The following BACH2 variants were observed in gnomAD, a reference collection of about 807,000 sequenced individuals.
BACH2 encodes the protein BACH transcriptional regulator 2.
In BACH2, 5 loss-of-function variants were observed where a neutral mutation model predicts 61.8. The observed-to-expected ratio is 0.08, with a 90% CI of 0.04 to 0.17. The LOEUF is 0.17. Among genes scored for constraint, BACH2 ranks in the 10% least tolerant of loss-of-function variants. BACH2 has a pLI of 1.00. For synonymous variants in BACH2, 446 were observed against 440.1 expected (o/e 1.01, Z -0.17); for missense variants, 824 against 1,091.1 (o/e 0.76, Z 3.45).
chr6:90,295,090 C>A (rs1210659977), intron 1 of BACH2, among the ~76,000 whole-genome samples: 1 of 152,164 alleles, frequency 6.6e-6, no homozygotes, highest in Non-Finnish European at 1.5e-5. Flanking sequence ...CGCGTCTCGC[C>A]GCCCGCGGGC....
At chr6:90,177,521 T>C (rs1428013295) in intron 4 of BACH2, among the ~76,000 whole-genome samples, 6 of 152,204 alleles carry the variant, frequency 3.9e-5, no homozygotes, top group Non-Finnish European at 8.8e-5. Context: ...TAGTAAGTGG[T>C]AGAATTCTGA....
chr6:89,940,640 C>T (rs1373577435), intron 7 of BACH2, among the ~76,000 whole-genome samples: 2 of 152,178 alleles, frequency 1.3e-5, no homozygotes, highest in Non-Finnish European at 2.9e-5. Flanking sequence ...GCAGATGGCA[C>T]TACAAACCTA....
chr6:90,125,939 T>G (rs1444202421), intron 4 of BACH2, among the ~76,000 whole-genome samples: 1 of 152,232 alleles, frequency 6.6e-6, no homozygotes, highest in African/African-American at 2.4e-5. Flanking sequence ...TCAGTCATCC[T>G]CATTTGCTGA....
At chr6:90,177,182 C>T (rs189267839) in intron 4 of BACH2, among the ~76,000 whole-genome samples, 11 of 152,142 alleles carry the variant, frequency 7.2e-5, no homozygotes, top group Admixed American at 1.3e-4. Context: ...GCAGTCTGCT[C>T]GCTTTATGGA....
intron 3 of BACH2, among the ~76,000 whole-genome samples, chr6:90,223,893 C>G (rs1288461814): frequency 6.6e-6 from 1 of 152,226 alleles, no homozygotes; most frequent in Non-Finnish European, 1.5e-5. Flanking sequence ...ATCTGAATCT[C>G]TGCTCTCAAA....
At chr6:90,157,485 T>C (rs901238993) in intron 4 of BACH2, among the ~76,000 whole-genome samples, 12 of 152,138 alleles carry the variant, frequency 7.9e-5, no homozygotes, top group African/African-American at 2.9e-4. Flanking sequence ...CACGACAGAG[T>C]TGCCTGGAAG....
chr6:89,985,337 T>C (rs1776180851), intron 6 of BACH2, among the ~76,000 whole-genome samples: 1 of 152,116 alleles, frequency 6.6e-6, no homozygotes, highest in Non-Finnish European at 1.5e-5. Flanking sequence ...GGTGGGAGTC[T>C]GGGTTTTGTG....
intron 5 of BACH2, among the ~76,000 whole-genome samples, chr6:90,067,931 T>C (rs1358034569): frequency 2.0e-5 from 3 of 152,130 alleles, no homozygotes; most frequent in Non-Finnish European, 4.4e-5. Flanking sequence ...ACTCATTCAT[T>C]CACTCAACAA....
chr6:90,272,188 G>C (rs958342770), intron 1 of BACH2, among the ~76,000 whole-genome samples: 2 of 151,942 alleles, frequency 1.3e-5, no homozygotes, highest in East Asian at 3.9e-4. Context: ...GCCTTCTTCC[G>C]TGTCAAATCT....
At chr6:90,129,400 C>T (rs1381957613) in intron 4 of BACH2, among the ~76,000 whole-genome samples, 1 of 152,134 alleles carries the variant, frequency 6.6e-6, no homozygotes, top group Non-Finnish European at 1.5e-5. Context: ...TGTACACGTG[C>T]CATGGCGGTT....
intron 3 of BACH2, among the ~76,000 whole-genome samples, chr6:90,241,733 A>G (rs1240802290): frequency 6.6e-6 from 1 of 152,090 alleles, no homozygotes; most frequent in African/African-American, 2.4e-5. Context: ...TGCCACAGGA[A>G]GTTGCCAAAC....
chr6:89,951,928 C>T lies in BACH2; in HGVS notation c.244-66G>A. 1 of 1,546,810 alleles carries T rather than the reference C, an allele frequency of 6.5e-7. No homozygotes were observed. The highest frequency in any genetic ancestry group is 8.8e-7 in the Non-Finnish European group (1 of 1,137,512). ...ACTGCTATTGTCCCGAATCCCTCAA[C>T]TGAAGCAAGATAACCAGACAGTGCT... On this transcript the variant is annotated intron_variant, in intron 6 of 8. Coordinates refer to ENST00000257749, the MANE Select transcript of BACH2 (RefSeq NM_021813.4). This position sits in a 1 kb window ranked among gnomAD's most constrained non-coding sequence, Gnocchi z 6.4.
intron 4 of BACH2, among the ~76,000 whole-genome samples, chr6:90,188,704 T>A (rs989203946): frequency 2.8e-5 from 4 of 143,706 alleles, no homozygotes; most frequent in Non-Finnish European, 4.5e-5. Flanking sequence ...AAACTGGACA[T>A]CTTAATAGTT....
intron 4 of BACH2, among the ~76,000 whole-genome samples, chr6:90,106,654 G>A (rs906308362): frequency 6.6e-6 from 1 of 152,208 alleles, no homozygotes; most frequent in African/African-American, 2.4e-5. Flanking sequence ...ATTATGAGGT[G>A]ACAGGCATTT....
rs2127780778 is a variant in BACH2 at position 90,008,972 on chromosome 6, A to C, written c.-12-116T>G. ...ATGGTTCCTGTGTCCCACTGCCATG[A>C]GCATGGCAGGAAGGAGGGGAATTAC... On this transcript the variant is annotated intron_variant, in intron 5 of 8. Coordinates refer to ENST00000257749, the MANE Select transcript of BACH2 (RefSeq NM_021813.4). This position sits in a 1 kb window ranked among gnomAD's most constrained non-coding sequence, Gnocchi z 4.1. 16 of 1,240,070 alleles carry C rather than the reference A, an allele frequency of 1.3e-5. No homozygotes were observed. Among genetic ancestry groups the C allele is most frequent in the South Asian group, 1.5e-5 (1 of 65,422 alleles). The allele number at this position is 1,240,070 out of a possible 1,614,324, so 76.8% of individuals were successfully genotyped here.
chr6:89,983,584 A>G (rs4386786), intron 6 of BACH2, among the ~76,000 whole-genome samples: 23,462 of 152,046 alleles, frequency 0.15, 2,622 homozygotes, highest in African/African-American at 0.3. Context: ...CAGGAGAATC[A>G]CTTGAACCCA....
At chr6:90,100,096 A>T (rs1782549765) in intron 4 of BACH2, among the ~76,000 whole-genome samples, 1 of 152,200 alleles carries the variant, frequency 6.6e-6, no homozygotes, top group Non-Finnish European at 1.5e-5. Flanking sequence ...TGATGTAGCA[A>T]ATGTCAATAT....
At position 90,115,466 on chromosome 6, in the gene BACH2, T is replaced by C. The variant is rs533465436; in HGVS notation, c.-161-26357A>G. 2.6e-5 allele frequency among the ~76,000 whole-genome samples: 4 copies of C among 152,262 alleles called. No homozygotes were observed. In the East Asian group the frequency reaches 7.7e-4, roughly 29 times the overall value. On this transcript the variant is annotated intron_variant, in intron 4 of 8. Transcript: ENST00000257749. ...TGGTGCTGGGATAACTGGCTAGCTATATGCAGAAGATTGAAGCTGGACCCC... is the reference window on the plus strand; with the variant it reads ...TGGTGCTGGGATAACTGGCTAGCTACATGCAGAAGATTGAAGCTGGACCCC...
chr6:90,007,689 C>T (rs1289395680), intron 6 of BACH2, among the ~76,000 whole-genome samples: 1 of 152,154 alleles, frequency 6.6e-6, no homozygotes, highest in East Asian at 1.9e-4. Context: ...TGAAGAGCTG[C>T]TTAGTCAAAC....
Sources: allele counts gnomAD v4.1 joint callset (sites outside exome capture counted in the v4.1 genomes callset), GRCh38; gene constraint gnomAD v4.1.1; non-coding constraint Gnocchi (gnomAD v3.1); transcripts MANE v1.5; gene names NCBI Gene and HGNC (gene_info 2026-07-23, HGNC 2026-07-21).